INPP4B: variants seen among roughly 807,000 people sequenced by gnomAD.
INPP4B encodes the protein inositol polyphosphate-4-phosphatase type II B, also known as inositol polyphosphate 4-phosphatase type II.
INPP4B carries 55 observed loss-of-function variants against 122.5 expected under a neutral mutation model. That is an observed-to-expected ratio of 0.45 (90% CI 0.36 to 0.56). INPP4B has a LOEUF of 0.56. Ranked by LOEUF, INPP4B falls within the 20% of genes least tolerant of loss-of-function variation. The probability of loss-of-function intolerance (pLI) is 0.00; values close to 1 mark genes in which losing one functional copy is unlikely to be tolerated. For synonymous variants in INPP4B, 403 were observed against 388.7 expected (o/e 1.04, Z -0.43); for missense variants, 1,000 against 1,097.7 (o/e 0.91, Z 1.26).
chr4:142,529,426 T>G (rs1827321074), intron 2 of INPP4B, among the ~76,000 whole-genome samples: 2 of 152,038 alleles, frequency 1.3e-5, no homozygotes, highest in Admixed American at 1.3e-4. Flanking sequence ...ATAAGATAAT[T>G]CAGGTATCTT....
At chr4:142,441,318 TA>T (rs1580070849) in intron 3 of INPP4B, among the ~76,000 whole-genome samples, 2 of 152,148 alleles carry the variant, frequency 1.3e-5, no homozygotes, top group African/African-American at 4.8e-5. Context: ...TCTAAGTTAT[TA>T]AATAGAATTA....
intron 1 of INPP4B, among the ~76,000 whole-genome samples, chr4:142,744,681 C>G (rs976205507): frequency 1.3e-5 from 2 of 151,242 alleles, no homozygotes; most frequent in Non-Finnish European, 3.0e-5. Context: ...TAAAAATATC[C>G]TTCAAAAATA....
intron 25 of INPP4B, among the ~76,000 whole-genome samples, chr4:142,061,063 A>T (rs1220039403): frequency 6.6e-6 from 1 of 152,208 alleles, no homozygotes; most frequent in South Asian, 2.1e-4. Context: ...CAGAAACCGT[A>T]TTCCAATATT....
At chr4:142,539,451 T>G (rs1828676528) in intron 2 of INPP4B, among the ~76,000 whole-genome samples, 1 of 152,208 alleles carries the variant, frequency 6.6e-6, no homozygotes, top group South Asian at 2.1e-4. Context: ...CTTATTGAAC[T>G]GACCACATGG....
chr4:142,097,255 A>C (rs1782319498), intron 23 of INPP4B, among the ~76,000 whole-genome samples: 1 of 148,178 alleles, frequency 6.7e-6, no homozygotes, highest in Non-Finnish European at 1.5e-5. Flanking sequence ...ATTTTATTTT[A>C]TTTTATTTTA....
At chr4:142,411,875 G>C in intron 5 of INPP4B, among the ~76,000 whole-genome samples, 1 of 152,242 alleles carries the variant, frequency 6.6e-6, no homozygotes, top group South Asian at 2.1e-4. Context: ...CTGGGTGACA[G>C]AGTGAGACTC....
intron 25 of INPP4B, among the ~76,000 whole-genome samples, chr4:142,069,667 C>T (rs1765814260): frequency 1.3e-5 from 2 of 152,062 alleles, no homozygotes; most frequent in Non-Finnish European, 2.9e-5. Flanking sequence ...ACACCTATCC[C>T]ACAGAAATAC....
At chr4:142,295,546 A>T (rs1017851837) in intron 9 of INPP4B, among the ~76,000 whole-genome samples, 3 of 152,252 alleles carry the variant, frequency 2.0e-5, no homozygotes, top group Admixed American at 6.5e-5. Flanking sequence ...CATTTTCTGA[A>T]TAACATGACT....
chr4:142,724,861 AT>A (rs1201752316), intron 2 of INPP4B, among the ~76,000 whole-genome samples: 2 of 152,102 alleles, frequency 1.3e-5, no homozygotes, highest in Non-Finnish European at 2.9e-5. Flanking sequence ...TGCTACCTGT[AT>A]TTCAGTACTC....
chr4:142,827,965 C>T (rs1304929244), intron 1 of INPP4B, among the ~76,000 whole-genome samples: 1 of 151,956 alleles, frequency 6.6e-6, no homozygotes, highest in Non-Finnish European at 1.5e-5. Flanking sequence ...GGGAGTTGAA[C>T]AGAACTCTGA....
At chr4:142,410,808 T>G (rs1804449328) in intron 5 of INPP4B, among the ~76,000 whole-genome samples, 1 of 152,190 alleles carries the variant, frequency 6.6e-6, no homozygotes, top group South Asian at 2.1e-4. Context: ...AAATTATTAT[T>G]GACATTAATA....
chr4:142,310,504 T>A (rs1872296), intron 8 of INPP4B, among the ~76,000 whole-genome samples: 16,369 of 152,146 alleles, frequency 0.11, 1,022 homozygotes, highest in Middle Eastern at 0.2. Flanking sequence ...ACTGCTGGTT[T>A]AGAGGTTAAA....
At chr4:142,068,582 G>A (rs1375774156) in intron 25 of INPP4B, among the ~76,000 whole-genome samples, 3 of 152,222 alleles carry the variant, frequency 2.0e-5, no homozygotes, top group Non-Finnish European at 2.9e-5. Context: ...TTATTGAGGA[G>A]ACCCATCTCA....
chr4:142,506,072 A>C (rs1421855646), intron 2 of INPP4B, among the ~76,000 whole-genome samples: 1 of 152,186 alleles, frequency 6.6e-6, no homozygotes, highest in Non-Finnish European at 1.5e-5. Flanking sequence ...TGAGTGTCGA[A>C]GTTTGTTTTA....
At chr4:142,347,305 T>C (rs549989530) in intron 7 of INPP4B, 47 of 185,014 alleles carry the variant, frequency 2.5e-4, no homozygotes, top group African/African-American at 9.6e-4. Flanking sequence ...AACCTCTTAA[T>C]AGGGATAACA....
chr4:142,467,444 C>G (rs1325889650), intron 2 of INPP4B, among the ~76,000 whole-genome samples: 1 of 152,118 alleles, frequency 6.6e-6, no homozygotes, highest in Non-Finnish European at 1.5e-5. Context: ...TATTGCCCCC[C>G]TTTTTGGCCA....
At chr4:142,690,944 A>C (rs1430558014) in intron 2 of INPP4B, among the ~76,000 whole-genome samples, 2 of 152,294 alleles carry the variant, frequency 1.3e-5, no homozygotes, top group East Asian at 3.9e-4. Flanking sequence ...TATAGAAAGC[A>C]ACTATCTCTT....
intron 2 of INPP4B, among the ~76,000 whole-genome samples, chr4:142,520,699 A>C (rs1286895201): frequency 6.6e-6 from 1 of 151,990 alleles, no homozygotes; most frequent in Non-Finnish European, 1.5e-5. Flanking sequence ...TTTTACTCTG[A>C]GAAATTATTG....
At chr4:142,113,260 C>G (rs886272980) in intron 21 of INPP4B, among the ~76,000 whole-genome samples, 2 of 151,938 alleles carry the variant, frequency 1.3e-5, no homozygotes, top group African/African-American at 4.8e-5. Context: ...TTAAAAACTA[C>G]CCCTATTTTT....
Sources: gnomAD v4.1 joint callset for allele counts (sites outside exome capture counted in the v4.1 genomes callset) on GRCh38, gnomAD v4.1.1 for gene constraint, MANE v1.5 for transcripts, NCBI Gene and HGNC (gene_info 2026-07-23, HGNC 2026-07-21) for gene names.